Variants in SCMH1 observed in about 807,000 individuals in gnomAD.
The protein encoded by SCMH1 is polycomb protein SCMH1.
SCMH1 carries 37 observed loss-of-function variants against 70.8 expected under a neutral mutation model. The ratio of observed to expected loss-of-function variants is 0.52; its 90% CI spans 0.40 to 0.69. SCMH1 has a LOEUF of 0.69. SCMH1 is among the 30% of genes least tolerant of loss of function. The probability of loss-of-function intolerance (pLI) is 0.00; values close to 1 mark genes in which losing one functional copy is unlikely to be tolerated. For missense variants in SCMH1, 607 were observed against 827.3 expected, an observed-to-expected ratio of 0.73 and a Z score of 3.27; for synonymous variants, 292 against 307.4, an observed-to-expected ratio of 0.95 and a Z score of 0.52.
chr1:41,075,083 C>T (rs907324617), intron 9 of SCMH1, 136 bp downstream of exon 9: 9 of 772,404 alleles, frequency 1.2e-5, no homozygotes, highest in Non-Finnish European at 1.8e-5. Flanking sequence ...AGGATGGTCT[C>T]GATCTCCTGA....
chr1:41,173,846 G>C (rs139596480), intron 2 of SCMH1, among the ~76,000 whole-genome samples: 8 of 152,168 alleles, frequency 5.3e-5, no homozygotes, highest in Non-Finnish European at 8.8e-5. Context: ...TCAGGTTAAT[G>C]AAATAAGCCA....
At chr1:41,235,057 G>T (rs1013661988) in intron 1 of SCMH1, among the ~76,000 whole-genome samples, 1 of 152,138 alleles carries the variant, frequency 6.6e-6, no homozygotes, top group Admixed American at 6.5e-5. Context: ...GGACTTACAG[G>T]TGTGAGTTAC....
chr1:41,242,267 C>G (rs1319083710), upstream of SCMH1: 5 of 137,420 alleles, frequency 3.6e-5, no homozygotes, highest in Non-Finnish European at 7.9e-5. The surrounding 1 kb of genome is among the most constrained non-coding windows in gnomAD (Gnocchi z 5.2). Flanking sequence ...CCGCGCCTCC[C>G]GCTGCGAGGT....
chr1:41,054,481 A>G (rs1649487322), intron 10 of SCMH1, among the ~76,000 whole-genome samples: 4 of 152,220 alleles, frequency 2.6e-5, no homozygotes, highest in African/African-American at 9.6e-5. Flanking sequence ...GCAAAAAACT[A>G]TAAATTATGA....
chr1:41,219,650 C>T (rs1276790218), intron 1 of SCMH1, among the ~76,000 whole-genome samples: 1 of 152,198 alleles, frequency 6.6e-6, no homozygotes, highest in African/African-American at 2.4e-5. Flanking sequence ...AAAAACGTGG[C>T]CGGGCACGGT....
chr1:41,183,853 GATA>G (rs10598433), intron 2 of SCMH1, among the ~76,000 whole-genome samples: 1,960 of 152,188 alleles, frequency 0.013, 40 homozygotes, highest in African/African-American at 0.045. Flanking sequence ...TAAAACTGCA[GATA>G]ATATGTCATT....
chr1:41,157,743 T>G (rs1015699191), intron 4 of SCMH1, among the ~76,000 whole-genome samples: 3 of 152,202 alleles, frequency 2.0e-5, no homozygotes, highest in African/African-American at 7.2e-5. Context: ...ACTCAGTGAC[T>G]AAAGCTCAGC....
intron 8 of SCMH1, among the ~76,000 whole-genome samples, chr1:41,103,942 G>T (rs1345522770): frequency 6.6e-6 from 1 of 151,946 alleles, no homozygotes; most frequent in Non-Finnish European, 1.5e-5. Flanking sequence ...ATTTCTATTT[G>T]TGTACCACAA....
At chr1:41,151,753 C>A in intron 4 of SCMH1, 69 bp from the exon 5 acceptor site, 1 of 1,034,084 alleles carries the variant, frequency 9.7e-7, no homozygotes, top group Non-Finnish European at 1.5e-6. Context: ...GTATAATCTA[C>A]ACTAAACAGT....
At chr1:41,107,825 A>G (rs1328290369) in intron 8 of SCMH1, among the ~76,000 whole-genome samples, 2 of 152,202 alleles carry the variant, frequency 1.3e-5, no homozygotes, top group African/African-American at 4.8e-5. Flanking sequence ...GCCTAGGATT[A>G]CAATTTAATT....
At chr1:41,070,523 G>A in intron 10 of SCMH1, 72 bp downstream of exon 10, 1 of 1,582,404 alleles carries the variant, frequency 6.3e-7, no homozygotes, top group Non-Finnish European at 8.6e-7. Flanking sequence ...CTAATTACTG[G>A]TGTAAGACAA....
chr1:41,122,398 G>C (rs1450060972), intron 6 of SCMH1, among the ~76,000 whole-genome samples: 1 of 152,100 alleles, frequency 6.6e-6, no homozygotes, highest in Admixed American at 6.6e-5. Flanking sequence ...ACCCAAAATA[G>C]ACTCCTAAAT....
At chr1:41,057,272 TG>T (rs1650717432) in intron 10 of SCMH1, among the ~76,000 whole-genome samples, 1 of 152,148 alleles carries the variant, frequency 6.6e-6, no homozygotes, top group Non-Finnish European at 1.5e-5. Context: ...TTTGTTTGTT[TG>T]TTTGTTTTTT....
At chr1:41,036,824 G>A (rs1268825332) in intron 13 of SCMH1, among the ~76,000 whole-genome samples, 2 of 152,054 alleles carry the variant, frequency 1.3e-5, no homozygotes, top group Non-Finnish European at 2.9e-5. Context: ...TTCCTGGAAA[G>A]CTCTCCCTCC....
intron 8 of SCMH1, among the ~76,000 whole-genome samples, chr1:41,096,084 G>C (rs1664976174): frequency 6.6e-6 from 1 of 152,162 alleles, no homozygotes; most frequent in Non-Finnish European, 1.5e-5. Flanking sequence ...AATAGCAAAA[G>C]AGGTTAGGAA....
intron 2 of SCMH1, among the ~76,000 whole-genome samples, chr1:41,173,355 TATATGAA>T (rs1646910978): frequency 6.6e-6 from 1 of 152,038 alleles, no homozygotes; most frequent in Admixed American, 6.6e-5. Flanking sequence ...GGCTAACAGG[TATATGAA>T]AAATGCTCAA....
At chr1:41,087,937 GGT>G (rs55721560) in intron 8 of SCMH1, among the ~76,000 whole-genome samples, 2,251 of 139,888 alleles carry the variant, frequency 0.016, 20 homozygotes, top group Middle Eastern at 0.048. Context: ...TATAGTTTCT[GGT>G]GTGTGTGTGT....
chr1:41,233,059 A>G (rs776181496), intron 1 of SCMH1, among the ~76,000 whole-genome samples: 2 of 152,216 alleles, frequency 1.3e-5, no homozygotes, highest in Non-Finnish European at 2.9e-5. Flanking sequence ...TCTTTACTGA[A>G]TAAATGACCT....
intron 2 of SCMH1, among the ~76,000 whole-genome samples, chr1:41,183,976 T>C (rs1398842364): frequency 6.6e-6 from 1 of 152,162 alleles, no homozygotes; most frequent in African/African-American, 2.4e-5. Context: ...ATGGGTACAG[T>C]TTCAGTTCTG....
Sources: allele counts gnomAD v4.1 joint callset (sites outside exome capture counted in the v4.1 genomes callset), GRCh38; gene constraint gnomAD v4.1.1; non-coding constraint Gnocchi (gnomAD v3.1); transcripts MANE v1.5; gene names NCBI Gene and HGNC (gene_info 2026-07-23, HGNC 2026-07-21).